USH1C: variants seen among roughly 807,000 people sequenced by gnomAD.
USH1C encodes harmonin.
Under a neutral mutation model 119.3 loss-of-function variants are expected in USH1C, and 90 were observed. That is an observed-to-expected ratio of 0.75 (90% CI 0.64 to 0.90). The LOEUF (loss-of-function observed/expected upper bound fraction) is 0.90. Ranked by LOEUF, USH1C falls within the 40% of genes least tolerant of loss-of-function variation. USH1C has a pLI of 0.00. For synonymous variants in USH1C, 465 were observed against 443.3 expected (o/e 1.05, Z -0.62); for missense variants, 1,165 against 1,167.7 (o/e 1.00, Z 0.03).
chr11:17,512,836 A>G (rs1385852129), intron 15 of USH1C, among the ~76,000 whole-genome samples: 1 of 152,130 alleles, frequency 6.6e-6, no homozygotes, highest in African/African-American at 2.4e-5. Context: ...TACACTCACC[A>G]TCAGGGTTCT....
chr11:17,512,198 C>G, intron 15 of USH1C, 144 bp from the exon 16 acceptor site: 1 of 934,650 alleles, frequency 1.1e-6, no homozygotes, highest in African/African-American at 1.6e-5. Context: ...GACATCAGAC[C>G]TCAGGTTTAG....
In USH1C at chr11:17,531,685, A is replaced by T. The variant is rs1378416814; in HGVS notation, c.105-143T>A. The T allele has an allele frequency of 9.4e-7, 1 of 1,061,680 alleles. No individual in the cohort carries two copies. The highest frequency in any genetic ancestry group is 2.6e-5 in the East Asian group (1 of 38,556). The allele number at this position is 1,061,680 out of a possible 1,614,324, so 65.8% of individuals were successfully genotyped here. A position where few individuals can be genotyped will look rare whatever the true frequency, so the allele number is the denominator to read the frequency against. On this transcript the variant is annotated intron_variant, in intron 2 of 26. Coordinates refer to ENST00000005226, the MANE Select transcript of USH1C (RefSeq NM_153676.4). This position sits in a 1 kb window ranked among gnomAD's most constrained non-coding sequence, Gnocchi z 4.2. ...ACTCCTGAAAAGCCCAGAGCTCTTC[A>T]CACCGGGCCAGTGCCTGAGAAGACT...
chr11:17,533,220 A>G (rs1851065423), intron 2 of USH1C, 35 bp downstream of exon 2: 1 of 1,579,398 alleles, frequency 6.3e-7, no homozygotes. Flanking sequence ...AAAGGAACCC[A>G]AGTGGCCCAC....
Position 17,516,288 on chromosome 11 carries a change from A to C in USH1C, c.1213T>G (p.Phe405Val). The change falls in exon 15 of 27, where the codon TTT (phenylalanine) becomes GTT (valine). Residue 405 changes from phenylalanine (F) to valine (V), a missense_variant and splice_region_variant. Transcript: ENST00000005226. ...HPVPLRKPKSFGWFYRYDGKF... is the reference protein window; with the variant it reads ...HPVPLRKPKSVGWFYRYDGKF... ...CCATCGTAACGATAAAACCATCCAAAAGCTATAAGACACAGATAACAAAAT... is the reference window on the plus strand; with the variant it reads ...CCATCGTAACGATAAAACCATCCAACAGCTATAAGACACAGATAACAAAAT... 6.2e-7 allele frequency: 1 copy of C among 1,612,986 alleles called. No individual in the cohort carries two copies. Among genetic ancestry groups the C allele is most frequent in the South Asian group, 1.1e-5 (1 of 90,526 alleles).
intron 15 of USH1C, among the ~76,000 whole-genome samples, chr11:17,515,678 T>C (rs943156729): frequency 2.6e-5 from 4 of 152,194 alleles, no homozygotes; most frequent in Non-Finnish European, 5.9e-5. Flanking sequence ...CCTGGAGATA[T>C]TGTAATAAGA....
chr11:17,494,482 A>G lies in USH1C; in HGVS notation c.2656-106T>C, dbSNP rs2072226. On this transcript the variant is annotated intron_variant, in intron 26 of 26. Transcript: ENST00000005226. ...GGGGGAGTACCCACTCTGGCAGCAC[A>G]AGGCCCTGCCACCCTTTGGAGACCC... 143,535 of 1,323,202 alleles carry G rather than the reference A, an allele frequency of 0.11. 9,438 individuals carry two copies. The highest frequency in any genetic ancestry group is 0.32 in the East Asian group (12,670 of 39,740). The allele number at this position is 1,323,202 out of a possible 1,614,324, so 82.0% of individuals were successfully genotyped here.
intron 14 of USH1C, 149 bp from the exon 15 acceptor site, chr11:17,516,439 G>T (rs1850147952): frequency 2.5e-6 from 2 of 791,680 alleles, no homozygotes; most frequent in East Asian, 2.8e-5. Flanking sequence ...TGCACCCTCT[G>T]TCCAACTCGG....
chr11:17,522,839 G>A lies in USH1C; in HGVS notation c.964C>T (p.Arg322Trp), dbSNP rs778554644. The change falls in exon 12 of 27, where the codon CGG becomes TGG. Residue 322 changes from arginine to tryptophan, a missense_variant. By Grantham distance (101) the Arg-to-Trp change is moderately radical. Coordinates refer to ENST00000005226, the MANE Select transcript of USH1C (RefSeq NM_153676.4). Reference protein sequence around the residue: ...LQRQELLMQKRLAMESNKILQ... With the variant: ...LQRQELLMQKWLAMESNKILQ... Reference sequence around the variant, plus strand: ...ATCTTGTTGGACTCCATCGCCAGCCGCTTCTGCATGAGAAGCTCCTGCCGC... The same window carrying A: ...ATCTTGTTGGACTCCATCGCCAGCCACTTCTGCATGAGAAGCTCCTGCCGC... The A allele has an allele frequency of 6.2e-6, 10 of 1,613,476 alleles. No homozygotes were observed. The highest frequency in any genetic ancestry group is 2.7e-5 in the African/African-American group (2 of 74,902).
chr11:17,532,496 C>T (rs1013363344), intron 2 of USH1C, among the ~76,000 whole-genome samples: 1 of 151,914 alleles, frequency 6.6e-6, no homozygotes, highest in African/African-American at 2.4e-5. Context: ...GATGGGATTT[C>T]ACCATGTTGC....
intron 1 of USH1C, among the ~76,000 whole-genome samples, chr11:17,541,619 G>C (rs1420970408): frequency 3.9e-5 from 6 of 152,248 alleles, no homozygotes; most frequent in African/African-American, 2.4e-5. Context: ...GGTTCTCTGA[G>C]GGAGAAAACA....
intron 1 of USH1C, among the ~76,000 whole-genome samples, chr11:17,543,262 T>C (rs117733021): frequency 0.041 from 6,319 of 152,310 alleles, 267 homozygotes; most frequent in Middle Eastern, 0.099. Flanking sequence ...CTACCTGAGC[T>C]CAGCTCTCAA....
At chr11:17,498,369 G>A in intron 23 of USH1C, 98 bp from the exon 24 acceptor site, 1 of 1,121,712 alleles carries the variant, frequency 8.9e-7, no homozygotes, top group Non-Finnish European at 1.4e-6. Flanking sequence ...CAGCAGAAGA[G>A]ACCTGAGCCT....
At position 17,495,670 on chromosome 11, in the gene USH1C, G is replaced by A; in HGVS notation, c.2554C>T (p.Leu852Phe). 1 of 1,614,194 alleles carries A rather than the reference G, an allele frequency of 6.2e-7. No individual in the cohort carries two copies. Among genetic ancestry groups the A allele is most frequent in the Non-Finnish European group, 8.5e-7 (1 of 1,180,030 alleles). ...PKEYDDELAS[L>F]PSSVAESPQP... ...GGGCTTTCAGCTACGGAGGAGGGAA[G>A]AGAAGCTCTATATATACAGAGCAGA... Residue 852 changes from leucine (L) to phenylalanine (F), a missense_variant, in exon 26 of 27, where the codon CTT becomes TTT. Physicochemically the swap from Leu to Phe is conservative, Grantham distance 22 (BLOSUM62 0). Transcript: ENST00000005226.
chr11:17,521,437 G>A (rs1189048842), intron 12 of USH1C, 26 bp from the exon 13 acceptor site: 1 of 1,611,660 alleles, frequency 6.2e-7, no homozygotes, highest in South Asian at 1.1e-5. Flanking sequence ...AGATTGGCAT[G>A]TTTGGCCCTA....
chr11:17,517,446 C>T, intron 14 of USH1C: 1 of 1,596,082 alleles, frequency 6.3e-7, no homozygotes. Flanking sequence ...CATCTGCGGG[C>T]TCGAGCTCAG....
At chr11:17,520,166 A>C (rs1850346720) in intron 14 of USH1C, among the ~76,000 whole-genome samples, 2 of 152,178 alleles carry the variant, frequency 1.3e-5, no homozygotes, top group African/African-American at 4.8e-5. Context: ...CCTCTTAAAG[A>C]GGCATATGGA....
intron 23 of USH1C, among the ~76,000 whole-genome samples, chr11:17,500,534 G>A (rs1209238765): frequency 6.6e-6 from 1 of 152,182 alleles, no homozygotes; most frequent in Admixed American, 6.5e-5. Context: ...CCAAACGTTC[G>A]GCTCCTACCA....
At chr11:17,528,589 G>C (rs1004867037) in intron 4 of USH1C, among the ~76,000 whole-genome samples, 1 of 152,232 alleles carries the variant, frequency 6.6e-6, no homozygotes, top group Non-Finnish European at 1.5e-5. Flanking sequence ...ACACGTGAGG[G>C]ATGCAAGCTG....
rs565056912 is a variant in USH1C at position 17,533,369 on chromosome 11, C to CCT, written c.37-48_37-47insAG. 3.2e-5 allele frequency: 44 copies of CCT among 1,380,814 alleles called. 2 individuals are homozygous for CCT. The highest frequency in any genetic ancestry group is 1.8e-4 in the South Asian group (16 of 86,848). 85.5% of individuals were successfully genotyped at this position (1,380,814 alleles called of 1,614,324 possible). ...TCACAGCTCCAGGCTCAGCACCCGC[C>CCT]CCCATAGCAGACCTCAGGGAGGAGA... is the stretch of plus-strand genomic sequence containing the variant. On this transcript the variant is annotated intron_variant, in intron 1 of 26. Transcript: ENST00000005226.
Sources: gnomAD v4.1 joint callset for allele counts (sites outside exome capture counted in the v4.1 genomes callset) on GRCh38, gnomAD v4.1.1 for gene constraint, Gnocchi (gnomAD v3.1) non-coding constraint, MANE v1.5 for transcripts, NCBI Gene and HGNC (gene_info 2026-07-23, HGNC 2026-07-21) for gene names.